Variants in CDIN1 observed in about 807,000 individuals in gnomAD.
CDIN1 encodes the protein CDAN1-interacting nuclease 1.
CDIN1 carries 33 observed loss-of-function variants against 45.3 expected under a neutral mutation model. The observed-to-expected ratio is 0.73, with a 90% CI of 0.55 to 0.97. The LOEUF (loss-of-function observed/expected upper bound fraction) is 0.97. Among genes scored for constraint, CDIN1 ranks in the 50% least tolerant of loss-of-function variants. CDIN1 has a pLI of 0.00. For synonymous variants in CDIN1, 118 were observed against 124.4 expected (o/e 0.95, Z 0.34); for missense variants, 303 against 339.4 (o/e 0.89, Z 0.84).
intron 1 of CDIN1, among the ~76,000 whole-genome samples, chr15:36,628,759 T>G (rs1022765628): frequency 6.6e-6 from 1 of 152,168 alleles, no homozygotes; most frequent in Non-Finnish European, 1.5e-5. Flanking sequence ...TTAAAGATAT[T>G]AGGTCCTAAG....
intron 5 of CDIN1, among the ~76,000 whole-genome samples, chr15:36,683,177 C>T (rs2041916594): frequency 6.6e-6 from 1 of 151,990 alleles, no homozygotes; most frequent in South Asian, 2.1e-4. Flanking sequence ...AATGGTATTG[C>T]CTAGGTTTTC....
intron 1 of CDIN1, among the ~76,000 whole-genome samples, chr15:36,607,409 A>G (rs1019157281): frequency 1.9e-4 from 29 of 152,234 alleles, no homozygotes; most frequent in Non-Finnish European, 2.8e-4. Context: ...GCTGTGAGAA[A>G]TACCCAATTT....
At chr15:36,731,051 G>A (rs2043816268) in intron 10 of CDIN1, among the ~76,000 whole-genome samples, 1 of 152,030 alleles carries the variant, frequency 6.6e-6, no homozygotes, top group Non-Finnish European at 1.5e-5. Context: ...CCAACTTAAA[G>A]ACAATGATGC....
At chr15:36,757,596 C>T (rs1201957959) in intron 10 of CDIN1, among the ~76,000 whole-genome samples, 1 of 152,092 alleles carries the variant, frequency 6.6e-6, no homozygotes, top group Admixed American at 6.5e-5. Flanking sequence ...TCACAGCAGC[C>T]CGCTCCATCC....
At chr15:36,696,852 C>T (rs888420727) in intron 7 of CDIN1, among the ~76,000 whole-genome samples, 3 of 151,038 alleles carry the variant, frequency 2.0e-5, no homozygotes, top group Admixed American at 1.3e-4. Flanking sequence ...TGGCTCATGC[C>T]TGTAATCCCA....
intron 3 of CDIN1, among the ~76,000 whole-genome samples, chr15:36,646,523 T>C (rs1034849199): frequency 1.3e-5 from 2 of 152,182 alleles, no homozygotes; most frequent in African/African-American, 4.8e-5. Context: ...AGTCATAACC[T>C]TCTTGGTGAA....
intron 10 of CDIN1, among the ~76,000 whole-genome samples, chr15:36,795,709 T>G (rs932626471): frequency 1.3e-5 from 2 of 151,704 alleles, no homozygotes; most frequent in African/African-American, 4.8e-5. Context: ...TTATTATTAT[T>G]TATTATTTTT....
At chr15:36,779,588 C>T (rs78351758) in intron 10 of CDIN1, among the ~76,000 whole-genome samples, 1,881 of 152,250 alleles carry the variant, frequency 0.012, 38 homozygotes, top group African/African-American at 0.042. Context: ...TCTTGCTCCT[C>T]AGCCAATTCC....
chr15:36,600,396 A>G (rs1190056861), intron 1 of CDIN1, among the ~76,000 whole-genome samples: 2 of 152,198 alleles, frequency 1.3e-5, no homozygotes, highest in Non-Finnish European at 2.9e-5. Flanking sequence ...TTCACGAGGG[A>G]ATATGAATGT....
chr15:36,746,864 C>T lies in CDIN1; in HGVS notation c.716+36903C>T, dbSNP rs528136606. The T allele has an allele frequency of 5.2e-5, 20 of 382,928 alleles. No homozygotes were observed. In the South Asian group the frequency reaches 2.3e-3, roughly 44 times the overall value. The allele number at this position is 382,928 out of a possible 1,614,324, so 23.7% of individuals were successfully genotyped here. On this transcript the variant is annotated intron_variant, in intron 10 of 10. Transcript: ENST00000566621. Reference sequence around the variant, plus strand: ...TTCCAGGCTCAAGTGACCCTCCCACCTCAGTCTCCCAAGTAGCTGGGACTG... The same window carrying T: ...TTCCAGGCTCAAGTGACCCTCCCACTTCAGTCTCCCAAGTAGCTGGGACTG...
At chr15:36,663,720 G>C (rs2041117439) in intron 5 of CDIN1, among the ~76,000 whole-genome samples, 1 of 152,122 alleles carries the variant, frequency 6.6e-6, no homozygotes, top group African/African-American at 2.4e-5. Flanking sequence ...ACTCAAGGAA[G>C]CAAATTGGAA....
At chr15:36,677,360 G>T (rs2041683567) in intron 5 of CDIN1, among the ~76,000 whole-genome samples, 1 of 152,020 alleles carries the variant, frequency 6.6e-6, no homozygotes. Context: ...ATGAATAAAA[G>T]AAAAGGTTAA....
intron 10 of CDIN1, among the ~76,000 whole-genome samples, chr15:36,746,669 CCACACACACA>C (rs34320677): frequency 8.5e-5 from 12 of 141,500 alleles, no homozygotes; most frequent in African/African-American, 3.0e-4. Context: ...ATATATGGTT[CCACACACACA>C]CACACACACA....
chr15:36,584,395 A>G (rs565166614), intron 1 of CDIN1, among the ~76,000 whole-genome samples: 3 of 152,196 alleles, frequency 2.0e-5, no homozygotes, highest in African/African-American at 7.2e-5. Context: ...GGAACGTGCC[A>G]CTGCAGTCCA....
chr15:36,738,514 T>A (rs968367007), intron 10 of CDIN1, among the ~76,000 whole-genome samples: 1 of 152,044 alleles, frequency 6.6e-6, no homozygotes, highest in African/African-American at 2.4e-5. Context: ...TGACCTCATC[T>A]CCTACCACAC....
intron 1 of CDIN1, chr15:36,613,358 A>T (rs1294855877): frequency 1.3e-5 from 10 of 772,290 alleles, no homozygotes; most frequent in Non-Finnish European, 1.1e-5. Flanking sequence ...AGTTAAAAAG[A>T]TGTAAAGATA....
intron 10 of CDIN1, chr15:36,799,196 C>G (rs1420994774): frequency 6.6e-6 from 1 of 151,636 alleles, no homozygotes; most frequent in African/African-American, 2.4e-5. Context: ...TGATTTGCAC[C>G]CAGTGTCCAC....
At chr15:36,697,495 T>A in intron 8 of CDIN1, 105 bp downstream of exon 8, 1 of 903,354 alleles carries the variant, frequency 1.1e-6, no homozygotes, top group South Asian at 1.8e-5. Flanking sequence ...TGATTGATGC[T>A]GTGCATATTA....
At chr15:36,677,840 G>A (rs1168070891) in intron 5 of CDIN1, among the ~76,000 whole-genome samples, 2 of 152,146 alleles carry the variant, frequency 1.3e-5, no homozygotes, top group Non-Finnish European at 2.9e-5. Context: ...TGAGTGTGGA[G>A]AAGAATTCAG....
Sources: allele counts gnomAD v4.1 joint callset (sites outside exome capture counted in the v4.1 genomes callset), GRCh38; gene constraint gnomAD v4.1.1; transcripts MANE v1.5; gene names NCBI Gene and HGNC (gene_info 2026-07-23, HGNC 2026-07-21).